The following EPB41L2 variants were observed in gnomAD, a reference collection of about 807,000 sequenced individuals.
EPB41L2 encodes the protein erythrocyte membrane protein band 4.1 like 2.
EPB41L2 carries 43 observed loss-of-function variants against 113.0 expected under a neutral mutation model. The ratio of observed to expected loss-of-function variants is 0.38; its 90% confidence interval spans 0.30 to 0.49. The LOEUF (loss-of-function observed/expected upper bound fraction) is 0.49. EPB41L2 is among the 20% of genes least tolerant of loss of function. EPB41L2 has a pLI of 0.95. For synonymous variants in EPB41L2, 442 were observed against 436.7 expected (o/e 1.01, Z -0.15); for missense variants, 1,147 against 1,223.4 (o/e 0.94, Z 0.93).
intron 1 of EPB41L2, 68 bp from the exon 2 acceptor site, chr6:130,956,567 G>A (rs962463440): frequency 2.1e-5 from 30 of 1,400,906 alleles, no homozygotes; most frequent in Non-Finnish European, 2.9e-5. Flanking sequence ...TGGTTGCGAG[G>A]GGCATGGTAA....
intron 14 of EPB41L2, among the ~76,000 whole-genome samples, chr6:130,871,626 CACATGG>C (rs1785719200): frequency 6.6e-6 from 1 of 152,200 alleles, no homozygotes; most frequent in Non-Finnish European, 1.5e-5. Context: ...TATTCTTAAA[CACATGG>C]TAAGGGCATG....
At chr6:130,970,417 GGGACAT>G (rs1234148316) in intron 1 of EPB41L2, 2 of 152,214 alleles carry the variant, frequency 1.3e-5, no homozygotes. Context: ...CTGCTGGAGA[GGGACAT>G]GCTCAGTAGA....
intron 1 of EPB41L2, chr6:131,062,315 C>T (rs1232210317): frequency 6.6e-6 from 1 of 151,996 alleles, no homozygotes; most frequent in Non-Finnish European, 1.5e-5. Flanking sequence ...GGATGGCGTC[C>T]CCAGACGCCG....
In EPB41L2 at chr6:130,955,212, T is replaced by G; in HGVS notation, c.598A>C (p.Asn200His). ...GATGCCTTCTCTGCTTTCAGCTCATTGGTCTGCACTTCCTTGGTCTCCCTT... is the reference window on the plus strand; with the variant it reads ...GATGCCTTCTCTGCTTTCAGCTCATGGGTCTGCACTTCCTTGGTCTCCCTT... ...AKRETKEVQT[N>H]ELKAEKASQK... The change falls in exon 3 of 20, where the codon AAT becomes CAT. Residue 200 changes from asparagine to histidine, a missense_variant. Asn to His is a moderately conservative substitution (Grantham distance 68). Coordinates refer to ENST00000337057, the MANE Select transcript of EPB41L2 (RefSeq NM_001431.4). 6.2e-7 allele frequency: 1 copy of G among 1,614,200 alleles called. No homozygotes were observed. The highest frequency in any genetic ancestry group is 8.5e-7 in the Non-Finnish European group (1 of 1,180,036).
At chr6:130,902,274 C>T (rs1321489176) in intron 6 of EPB41L2, among the ~76,000 whole-genome samples, 1 of 152,202 alleles carries the variant, frequency 6.6e-6, no homozygotes, top group African/African-American at 2.4e-5. Flanking sequence ...CCTACACAAT[C>T]AAATGGGGAG....
intron 6 of EPB41L2, among the ~76,000 whole-genome samples, chr6:130,902,104 A>G (rs1796456270): frequency 6.6e-6 from 1 of 152,188 alleles, no homozygotes; most frequent in African/African-American, 2.4e-5. Flanking sequence ...TAACTTCACC[A>G]CTTGCTATGG....
At chr6:130,893,423 C>G (rs1383747744) in intron 10 of EPB41L2, among the ~76,000 whole-genome samples, 2 of 152,076 alleles carry the variant, frequency 1.3e-5, no homozygotes, top group Non-Finnish European at 2.9e-5. Context: ...AACACTCATG[C>G]ACAGCTTCTT....
intron 12 of EPB41L2, chr6:130,881,263 T>TAG (rs1429056710): frequency 6.6e-6 from 1 of 152,226 alleles, no homozygotes; most frequent in African/African-American, 2.4e-5. Context: ...ATTAGGATGA[T>TAG]AGTGTCAAAT....
intron 11 of EPB41L2, among the ~76,000 whole-genome samples, chr6:130,887,732 T>C (rs959705693): frequency 2.0e-5 from 3 of 152,240 alleles, no homozygotes; most frequent in Non-Finnish European, 2.9e-5. Context: ...AAGTCTCAAC[T>C]GACCTGGTTC....
intron 3 of EPB41L2, among the ~76,000 whole-genome samples, chr6:130,942,865 TC>T (rs1811356404): frequency 6.6e-6 from 1 of 152,134 alleles, no homozygotes; most frequent in African/African-American, 2.4e-5. Context: ...GGTTTTCTGT[TC>T]CTGTTTTGCT....
chr6:130,931,296 C>A lies in EPB41L2; in HGVS notation c.706-4587G>T, dbSNP rs73617178. 3.3e-3 allele frequency among the ~76,000 whole-genome samples: 499 copies of A among 151,884 alleles called. 1 individual carries two copies. The highest frequency in any genetic ancestry group is 5.8e-3 in the Non-Finnish European group (393 of 67,956). On this transcript the variant is annotated intron_variant, in intron 3 of 19. Coordinates refer to ENST00000337057, the MANE Select transcript of EPB41L2 (RefSeq NM_001431.4). The stretch of plus-strand genomic sequence containing the variant: ...ACTCAACATATAAAAGGTTCTAACA[C>A]GCATTATTTTTTTAAATAGCTATAA...
intron 1 of EPB41L2, among the ~76,000 whole-genome samples, chr6:130,966,282 C>A (rs1214966098): frequency 1.3e-5 from 2 of 152,162 alleles, no homozygotes; most frequent in Admixed American, 6.5e-5. Context: ...ATTCATACAA[C>A]AAAATACTAT....
At chr6:130,842,537 A>T (rs1185317866) in intron 19 of EPB41L2, among the ~76,000 whole-genome samples, 1 of 152,114 alleles carries the variant, frequency 6.6e-6, no homozygotes, top group African/African-American at 2.4e-5. Flanking sequence ...AGTTTATGTT[A>T]TTAAAAAAAC....
chr6:130,972,133 G>A (rs1053889635), intron 1 of EPB41L2, among the ~76,000 whole-genome samples: 1 of 152,074 alleles, frequency 6.6e-6, no homozygotes, highest in Non-Finnish European at 1.5e-5. Flanking sequence ...AGACCAGCCT[G>A]GCCAACATGG....
At chr6:131,028,038 T>C (rs570298949) in intron 1 of EPB41L2, among the ~76,000 whole-genome samples, 40 of 152,320 alleles carry the variant, frequency 2.6e-4, no homozygotes, top group African/African-American at 9.4e-4. Flanking sequence ...ATTAGATATC[T>C]GAGTTTAAAA....
intron 3 of EPB41L2, among the ~76,000 whole-genome samples, chr6:130,928,818 T>C (rs1014414601): frequency 1.3e-5 from 2 of 152,184 alleles, no homozygotes; most frequent in African/African-American, 4.8e-5. Flanking sequence ...TGTGACAAAG[T>C]AAAACCACTT....
chr6:130,901,309 C>T (rs1796240660), intron 6 of EPB41L2, 129 bp from the exon 7 acceptor site: 13 of 708,632 alleles, frequency 1.8e-5, no homozygotes, highest in Non-Finnish European at 3.0e-5. Flanking sequence ...ATATAAACAG[C>T]AAAAATCATC....
chr6:130,958,642 G>A (rs1818327370), intron 1 of EPB41L2, among the ~76,000 whole-genome samples: 1 of 152,038 alleles, frequency 6.6e-6, no homozygotes, highest in Admixed American at 6.6e-5. Flanking sequence ...GGAGTTGTGT[G>A]GAAACATGAG....
At chr6:130,967,900 T>C (rs1775740891) in intron 1 of EPB41L2, among the ~76,000 whole-genome samples, 1 of 152,012 alleles carries the variant, frequency 6.6e-6, no homozygotes. Context: ...TAATGCTCTA[T>C]AGAAAAAAAA....
Sources: gnomAD v4.1 joint callset for allele counts (sites outside exome capture counted in the v4.1 genomes callset) on GRCh38, gnomAD v4.1.1 for gene constraint, MANE v1.5 for transcripts, NCBI Gene and HGNC (gene_info 2026-07-23, HGNC 2026-07-21) for gene names.